LYST: variants seen among roughly 807,000 people sequenced by gnomAD.
The protein encoded by LYST is lysosomal-trafficking regulator.
In LYST, 192 loss-of-function variants were observed where a neutral mutation model predicts 413.6. The ratio of observed to expected loss-of-function variants is 0.46; its 90% confidence interval spans 0.41 to 0.52. The LOEUF (loss-of-function observed/expected upper bound fraction) is 0.52, where lower values mean the gene tolerates loss of function less well. LYST is among the 20% of genes least tolerant of loss of function. LYST has a pLI of 0.00. For synonymous variants in LYST, 1,525 were observed against 1,567.3 expected (o/e 0.97, Z 0.64); for missense variants, 3,815 against 4,499.9 (o/e 0.85, Z 4.35).
chr1:235,751,624 GC>G (rs1258714196), intron 27 of LYST, among the ~76,000 whole-genome samples: 1 of 151,964 alleles, frequency 6.6e-6, no homozygotes, highest in Non-Finnish European at 1.5e-5. Context: ...CAAAGAACAG[GC>G]TTTTTTTCTA....
In LYST at chr1:235,810,345, G is replaced by C; in HGVS notation, c.473C>G (p.Ala158Gly). 6.2e-7 allele frequency: 1 copy of C among 1,614,026 alleles called. No individual in the cohort carries two copies. Among genetic ancestry groups the C allele is most frequent in the Non-Finnish European group, 8.5e-7 (1 of 1,179,902 alleles). Reference sequence around the variant, plus strand: ...TGAGGTGGAGAGCTGTGTCTTTCTTGCATCTCTTACAGAATAGCGATGGGT... The same window carrying C: ...TGAGGTGGAGAGCTGTGTCTTTCTTCCATCTCTTACAGAATAGCGATGGGT... Reference protein sequence around the residue: ...KITHRYSVRDARKTQLSTSDS... With the variant: ...KITHRYSVRDGRKTQLSTSDS... The change falls in exon 5 of 53, where the codon GCA (alanine) becomes GGA (glycine). Residue 158 changes from alanine (A) to glycine (G), a missense_variant. Around this residue, in one of 4 missense-constraint regions of LYST, gnomAD observed 1,648 missense variants for 1,810.3 expected, o/e 0.91. Coordinates refer to ENST00000389793, the MANE Select transcript of LYST (RefSeq NM_000081.4).
At chr1:235,796,306 A>C (rs989487006) in intron 10 of LYST, among the ~76,000 whole-genome samples, 1 of 152,194 alleles carries the variant, frequency 6.6e-6, no homozygotes, top group Non-Finnish European at 1.5e-5. Flanking sequence ...GCTTCAAAGT[A>C]AACCATCAAG....
chr1:235,727,142 A>G (rs1663956788), intron 38 of LYST, among the ~76,000 whole-genome samples: 1 of 107,274 alleles, frequency 9.3e-6, no homozygotes, highest in African/African-American at 3.8e-5. Context: ...TTTTTTTTTG[A>G]GACAGAGTCT....
chr1:235,735,270 C>T (rs1274546375), intron 31 of LYST: 1 of 152,044 alleles, frequency 6.6e-6, no homozygotes, highest in Admixed American at 6.6e-5. Flanking sequence ...ACTCTTCTTC[C>T]TTTGGTGAAA....
intron 39 of LYST, among the ~76,000 whole-genome samples, chr1:235,722,940 T>C (rs1442680334): frequency 6.6e-6 from 1 of 152,210 alleles, no homozygotes; most frequent in Non-Finnish European, 1.5e-5. Flanking sequence ...ACAGTATGGA[T>C]GCAGGAAGGC....
At chr1:235,755,452 T>C (rs767240387) in intron 25 of LYST, 26 bp downstream of exon 25, 4 of 1,564,976 alleles carry the variant, frequency 2.6e-6, no homozygotes, top group Non-Finnish European at 3.5e-6. Flanking sequence ...GATTCCCAAT[T>C]ATAGTGGAGG....
chr1:235,707,464 A>G (rs1405168622), intron 44 of LYST, among the ~76,000 whole-genome samples: 2 of 151,958 alleles, frequency 1.3e-5, no homozygotes, highest in African/African-American at 4.8e-5. Context: ...TCTCACTAAA[A>G]ATACAAAAAT....
chr1:235,881,419 T>C (rs563759928), intron 1 of LYST, among the ~76,000 whole-genome samples: 11 of 152,292 alleles, frequency 7.2e-5, no homozygotes, highest in African/African-American at 2.4e-4. Context: ...CAATCGGCTT[T>C]GAGGAAAAAT....
At chr1:235,846,894 C>A (rs1371185500) in intron 1 of LYST, among the ~76,000 whole-genome samples, 1 of 151,878 alleles carries the variant, frequency 6.6e-6, no homozygotes, top group African/African-American at 2.4e-5. Flanking sequence ...AATGACCACA[C>A]CTAAGAATAA....
Position 235,770,262 on chromosome 1 carries a change from T to C in LYST, c.5820A>G (p.Glu1940=). ...GVWETLLAAL[E]VLIRADHHQQ... ...GGTGGTGATCTGCTCTGATGAGGAC[T>C]TCTAGAGCTGCTAGCAAAGTTTCCC... is the stretch of plus-strand genomic sequence containing the variant. Residue 1940 remains glutamate, a synonymous_variant, in exon 20 of 53, where the codon GAA becomes GAG. Transcript: ENST00000389793. The C allele has an allele frequency of 6.2e-7, 1 of 1,613,726 alleles. No individual in the cohort carries two copies. The highest frequency in any genetic ancestry group is 8.5e-7 in the Non-Finnish European group (1 of 1,179,716).
At chr1:235,765,377 C>A (rs1004129129) in intron 21 of LYST, among the ~76,000 whole-genome samples, 1 of 152,132 alleles carries the variant, frequency 6.6e-6, no homozygotes, top group African/African-American at 2.4e-5. Context: ...CCCCTAGTTC[C>A]TTATTCCTGA....
intron 47 of LYST, among the ~76,000 whole-genome samples, chr1:235,692,534 C>A (rs570644277): frequency 6.6e-6 from 1 of 151,866 alleles, no homozygotes; most frequent in South Asian, 2.1e-4. Flanking sequence ...GAATGTGCCA[C>A]CATGCCTGGC....
chr1:235,759,308 G>A lies in LYST; in HGVS notation c.6545C>T (p.Ser2182Leu). ...KTVCEMEAVLSAQVSVSDVPK... is the reference protein window; with the variant it reads ...KTVCEMEAVLLAQVSVSDVPK... ...GACATCACTGACAGAGACCTGGGCT[G>A]AGAGGACAGCTTCCATTTCACAAAC... The change falls in exon 23 of 53, where the codon TCA becomes TTA. Residue 2182 changes from serine (S) to leucine (L), a missense_variant. Ser to Leu is a moderately radical substitution (Grantham distance 145). Around this residue, in one of 4 missense-constraint regions of LYST, gnomAD observed 771 missense variants for 837.1 expected, o/e 0.92. Transcript: ENST00000389793. 6.2e-7 allele frequency: 1 copy of A among 1,614,168 alleles called. No homozygotes were observed. Among genetic ancestry groups the A allele is most frequent in the East Asian group, 2.2e-5 (1 of 44,886 alleles).
intron 37 of LYST, 133 bp downstream of exon 37, chr1:235,729,463 G>A: frequency 2.9e-6 from 2 of 693,390 alleles, no homozygotes; most frequent in Non-Finnish European, 5.3e-6. Flanking sequence ...ATAATGTTAA[G>A]GCAAATTAGC....
chr1:235,812,242 G>T (rs941265837), intron 4 of LYST, among the ~76,000 whole-genome samples: 1 of 152,060 alleles, frequency 6.6e-6, no homozygotes, highest in African/African-American at 2.4e-5. Flanking sequence ...GGTGGCTCAT[G>T]CCTGTAATCC....
chr1:235,812,463 C>T (rs1369009871), intron 4 of LYST, among the ~76,000 whole-genome samples: 6 of 150,846 alleles, frequency 4.0e-5, no homozygotes, highest in South Asian at 2.1e-4. Context: ...GCCGAGATCA[C>T]TCCACTGCCC....
intron 3 of LYST, among the ~76,000 whole-genome samples, chr1:235,818,383 G>A (rs1385967541): frequency 6.6e-6 from 1 of 152,096 alleles, no homozygotes; most frequent in African/African-American, 2.4e-5. Flanking sequence ...CAGGGCTCAG[G>A]CCCTAGTCCT....
chr1:235,755,172 G>T (rs957513669), intron 25 of LYST, among the ~76,000 whole-genome samples: 1 of 148,468 alleles, frequency 6.7e-6, no homozygotes, highest in Admixed American at 6.8e-5. Context: ...GGCAGATCAC[G>T]AGGTCAGGAG....
upstream of LYST, among the ~76,000 whole-genome samples, chr1:235,870,180 T>C (rs778196373): frequency 2.6e-5 from 4 of 152,126 alleles, no homozygotes; most frequent in Non-Finnish European, 5.9e-5. Flanking sequence ...GTGGGTGGCA[T>C]TGGTGAGAGT....
Sources: gnomAD v4.1 joint callset for allele counts (sites outside exome capture counted in the v4.1 genomes callset) on GRCh38, gnomAD v4.1.1 for gene constraint, gnomAD v4.1.1 regional missense constraint, MANE v1.5 for transcripts, NCBI Gene and HGNC (gene_info 2026-07-23, HGNC 2026-07-21) for gene names.